Variants in MBOAT1 observed in about 807,000 individuals in gnomAD.
The protein encoded by MBOAT1 is membrane bound glycerophospholipid O-acyltransferase 1, also known as membrane-bound glycerophospholipid O-acyltransferase 1.
In MBOAT1, 67 loss-of-function variants were observed where a neutral mutation model predicts 64.4. The observed-to-expected ratio is 1.04, with a 90% CI of 0.85 to 1.27. MBOAT1 has a LOEUF of 1.27. MBOAT1 is among the 50% of genes most tolerant of loss of function. The probability of loss-of-function intolerance (pLI) is 0.00; values close to 1 mark genes in which losing one functional copy is unlikely to be tolerated. For missense variants in MBOAT1, 563 were observed against 604.6 expected, an observed-to-expected ratio of 0.93 and a Z score of 0.72; for synonymous variants, 229 against 218.9, an observed-to-expected ratio of 1.05 and a Z score of -0.41.
chr6:20,135,423 G>A (rs57020259), intron 4 of MBOAT1, among the ~76,000 whole-genome samples: 2 of 152,096 alleles, frequency 1.3e-5, no homozygotes, highest in African/African-American at 2.4e-5. Context: ...TTCATCAGAT[G>A]TGGTACCCAT....
intron 12 of MBOAT1, among the ~76,000 whole-genome samples, chr6:20,104,608 TTATACTTTCCC>T (rs1232203139): frequency 1.3e-5 from 2 of 152,246 alleles, no homozygotes; most frequent in African/African-American, 4.8e-5. Context: ...AAGGTTCAAC[TTATACTTTCCC>T]TAATGCTTTT....
Position 20,107,617 on chromosome 6 carries a change from G to T in MBOAT1, c.1361+1981C>A, listed in dbSNP as rs115855358. On this transcript the variant is annotated intron_variant, in intron 12 of 12. Coordinates refer to ENST00000324607, the MANE Select transcript of MBOAT1 (RefSeq NM_001080480.3). Reference sequence around the variant, plus strand: ...CTATCACCCCAGTGAGAGCAGAAATGATCTCTCTATTTTGCTTTCCATTCT... The same window carrying T: ...CTATCACCCCAGTGAGAGCAGAAATTATCTCTCTATTTTGCTTTCCATTCT... 2.8e-3 allele frequency among the ~76,000 whole-genome samples: 424 copies of T among 152,242 alleles called. 4 individuals are homozygous for T. Among genetic ancestry groups the T allele is most frequent in the African/African-American group, 0.01 (416 of 41,524 alleles).
intron 4 of MBOAT1, among the ~76,000 whole-genome samples, chr6:20,135,727 C>T (rs1031723566): frequency 2.0e-4 from 31 of 152,096 alleles, no homozygotes; most frequent in African/African-American, 7.2e-4. Flanking sequence ...AATTTTAGAA[C>T]CAAAAGGCTC....
At chr6:20,160,500 C>A (rs1464315359) in intron 1 of MBOAT1, among the ~76,000 whole-genome samples, 1 of 152,186 alleles carries the variant, frequency 6.6e-6, no homozygotes, top group Non-Finnish European at 1.5e-5. Flanking sequence ...AGTGAAGAGA[C>A]AACCCACAGA....
intron 4 of MBOAT1, among the ~76,000 whole-genome samples, chr6:20,132,780 T>C (rs1167062919): frequency 6.6e-6 from 1 of 152,244 alleles, no homozygotes; most frequent in Non-Finnish European, 1.5e-5. Flanking sequence ...AGTGAAAAGA[T>C]ATTTCAAGGA....
At chr6:20,205,602 C>G (rs1179824237) in intron 1 of MBOAT1, among the ~76,000 whole-genome samples, 1 of 152,152 alleles carries the variant, frequency 6.6e-6, no homozygotes, top group Non-Finnish European at 1.5e-5. Context: ...CCAGAATCCC[C>G]CAGCATGGAG....
At chr6:20,146,460 A>C (rs1204978085) in intron 3 of MBOAT1, among the ~76,000 whole-genome samples, 1 of 152,224 alleles carries the variant, frequency 6.6e-6, no homozygotes, top group Admixed American at 6.5e-5. Flanking sequence ...ATCCTAAACC[A>C]CTTCCAAACC....
rs185764025 is a variant in MBOAT1, at chr6:20,169,174, T to C, written c.100-16405A>G. On this transcript the variant is annotated intron_variant, in intron 1 of 12. Coordinates refer to ENST00000324607, the MANE Select transcript of MBOAT1 (RefSeq NM_001080480.3). The stretch of plus-strand genomic sequence containing the variant: ...CTACTTGCTATTTAAGATGCTGCCA[T>C]GAGTAAGATCTCTGGGGACAATGGA... 3.9e-5 allele frequency among the ~76,000 whole-genome samples: 6 copies of C among 152,300 alleles called. No homozygotes were observed. The East Asian group carries it at 1.2e-3, about 29-fold the overall frequency.
At chr6:20,195,322 C>A (rs1460636971) in intron 1 of MBOAT1, among the ~76,000 whole-genome samples, 1 of 152,140 alleles carries the variant, frequency 6.6e-6, no homozygotes, top group Non-Finnish European at 1.5e-5. Context: ...ACTGTTCCAG[C>A]TTTGGCCACT....
chr6:20,109,878 T>G, intron 11 of MBOAT1, 129 bp from the exon 12 acceptor site: 1 of 865,432 alleles, frequency 1.2e-6, no homozygotes, highest in Non-Finnish European at 1.6e-6. Context: ...TGAGTTGTAT[T>G]TTCGACTACA....
chr6:20,185,589 G>A (rs1452320579), intron 1 of MBOAT1, among the ~76,000 whole-genome samples: 2 of 152,150 alleles, frequency 1.3e-5, no homozygotes, highest in Admixed American at 6.5e-5. Flanking sequence ...ATAATCTTTC[G>A]CTCTCTCCAC....
intron 4 of MBOAT1, among the ~76,000 whole-genome samples, chr6:20,144,016 T>C (rs1434618353): frequency 3.3e-5 from 5 of 152,212 alleles, no homozygotes. Flanking sequence ...CAGGCTGTAC[T>C]TTGTGGTTCC....
chr6:20,128,841 C>G, intron 5 of MBOAT1, 88 bp from the exon 6 acceptor site: 1 of 898,748 alleles, frequency 1.1e-6, no homozygotes, highest in South Asian at 1.7e-5. Context: ...GTCATTTGAA[C>G]CAGGTAATCT....
intron 8 of MBOAT1, among the ~76,000 whole-genome samples, chr6:20,119,552 G>GA (rs1437973226): frequency 6.6e-6 from 1 of 152,124 alleles, no homozygotes; most frequent in Non-Finnish European, 1.5e-5. Flanking sequence ...CTGCTCTAAA[G>GA]AAAAACAACC....
intron 1 of MBOAT1, among the ~76,000 whole-genome samples, chr6:20,160,209 G>C (rs1402400614): frequency 6.6e-6 from 1 of 152,148 alleles, no homozygotes; most frequent in East Asian, 1.9e-4. Flanking sequence ...CTAATGTGCT[G>C]CTAGAAAGAC....
chr6:20,182,413 T>G (rs908801049), intron 1 of MBOAT1, among the ~76,000 whole-genome samples: 2 of 152,230 alleles, frequency 1.3e-5, no homozygotes, highest in African/African-American at 4.8e-5. Context: ...ATATGAATTT[T>G]GGAAGGACAC....
intron 4 of MBOAT1, among the ~76,000 whole-genome samples, chr6:20,133,391 C>T (rs773888083): frequency 6.6e-6 from 1 of 152,202 alleles, no homozygotes. Flanking sequence ...TTAGACCAGA[C>T]TGTAGCTCAC....
At chr6:20,144,900 C>T (rs1384789066) in intron 3 of MBOAT1, among the ~76,000 whole-genome samples, 3 of 152,128 alleles carry the variant, frequency 2.0e-5, no homozygotes, top group Admixed American at 1.3e-4. Flanking sequence ...GGGACCCTGC[C>T]CTTCCATGCC....
Position 20,180,723 on chromosome 6 carries a change from ATCTC to A in MBOAT1, c.100-27958_100-27955del, listed in dbSNP as rs1317527379. Among the ~76,000 whole-genome samples the A allele has an allele frequency of 6.6e-5, 10 of 152,284 alleles. No individual in the cohort carries two copies. In the South Asian group the frequency reaches 2.1e-3, roughly 32 times the overall value. On this transcript the variant is annotated intron_variant, in intron 1 of 12. Coordinates refer to ENST00000324607, the MANE Select transcript of MBOAT1 (RefSeq NM_001080480.3). ...ATTTCTGGCTTTTAAATTTGACACC[ATCTC>A]TCTATTTTACCACTTAGCAAATACC...
Sources: allele counts gnomAD v4.1 joint callset (sites outside exome capture counted in the v4.1 genomes callset), GRCh38; gene constraint gnomAD v4.1.1; transcripts MANE v1.5; gene names NCBI Gene and HGNC (gene_info 2026-07-23, HGNC 2026-07-21).